Variants in UNC79 observed in about 807,000 individuals in gnomAD.
The protein encoded by UNC79 is protein unc-79 homolog.
In UNC79, 37 loss-of-function variants were observed where a neutral mutation model predicts 283.1. The observed-to-expected ratio is 0.13, with a 90% CI of 0.10 to 0.17. The LOEUF (loss-of-function observed/expected upper bound fraction) is 0.17, where lower values mean the gene tolerates loss of function less well. UNC79 is among the 10% of genes least tolerant of loss of function. The pLI, the probability that UNC79 is intolerant of heterozygous loss-of-function variation, is 1.00. For missense variants in UNC79, 2,272 were observed against 3,211.1 expected (o/e 0.71, Z 7.07); for synonymous variants, 1,107 against 1,200.2 (o/e 0.92, Z 1.61).
chr14:93,663,679 G>A (rs2071842295), intron 40 of UNC79, among the ~76,000 whole-genome samples: 1 of 151,980 alleles, frequency 6.6e-6, no homozygotes, highest in African/African-American at 2.4e-5. Flanking sequence ...TTATTACCCT[G>A]CCTGGAGCAA....
chr14:93,498,792 A>G (rs2059148992), intron 7 of UNC79, among the ~76,000 whole-genome samples: 1 of 152,166 alleles, frequency 6.6e-6, no homozygotes. Context: ...ATATTATTAA[A>G]TCAAAGAAGA....
intron 12 of UNC79, among the ~76,000 whole-genome samples, chr14:93,538,847 C>T (rs1210130479): frequency 6.8e-6 from 1 of 146,612 alleles, no homozygotes; most frequent in Non-Finnish European, 1.5e-5. Flanking sequence ...TTCTACCCTT[C>T]CTCTCTTTTT....
intron 19 of UNC79, 104 bp from the exon 20 acceptor site, chr14:93,582,099 C>T: frequency 6.4e-7 from 1 of 1,573,838 alleles, no homozygotes; most frequent in Non-Finnish European, 8.7e-7. Context: ...CAGCATGGGA[C>T]CCGAGACACA....
At chr14:93,532,177 C>T (rs1052478020) in intron 10 of UNC79, among the ~76,000 whole-genome samples, 2 of 151,860 alleles carry the variant, frequency 1.3e-5, no homozygotes, top group African/African-American at 2.4e-5. Flanking sequence ...TTTAAATGGG[C>T]TCTAGACCTG....
intron 30 of UNC79, among the ~76,000 whole-genome samples, chr14:93,623,806 T>C (rs2067328627): frequency 6.6e-6 from 1 of 152,082 alleles, no homozygotes; most frequent in African/African-American, 2.4e-5. Flanking sequence ...GGCAGGAGAA[T>C]TGCTTGAACC....
At chr14:93,356,171 G>T (rs2054082720) in intron 1 of UNC79, among the ~76,000 whole-genome samples, 1 of 152,044 alleles carries the variant, frequency 6.6e-6, no homozygotes, top group Admixed American at 6.6e-5. Flanking sequence ...GGGATTACAG[G>T]CACCTGCCAC....
chr14:93,537,098 C>A lies in UNC79; in HGVS notation c.1123-891C>A, dbSNP rs534323218. 3.9e-4 allele frequency among the ~76,000 whole-genome samples: 60 copies of A among 152,284 alleles called. No homozygotes were observed. The Middle Eastern group carries it at 0.01, about 26-fold the overall frequency. On this transcript the variant is annotated intron_variant, in intron 11 of 48. Coordinates refer to ENST00000555664, the Ensembl canonical transcript of UNC79. Reference sequence around the variant, plus strand: ...GTTCATAAAGCCTTAGAGTCTAACGCCCCCTTGGGGGTGTTCACATCTTCA... The same window carrying A: ...GTTCATAAAGCCTTAGAGTCTAACGACCCCTTGGGGGTGTTCACATCTTCA...
At chr14:93,494,531 G>A (rs1322580980) in intron 5 of UNC79, among the ~76,000 whole-genome samples, 1 of 152,188 alleles carries the variant, frequency 6.6e-6, no homozygotes, top group Non-Finnish European at 1.5e-5. Flanking sequence ...TGTATTATGG[G>A]TCTGGAGCTC....
At chr14:93,618,565 G>T (rs889208891) in intron 29 of UNC79, among the ~76,000 whole-genome samples, 1 of 152,170 alleles carries the variant, frequency 6.6e-6, no homozygotes, top group African/African-American at 2.4e-5. Flanking sequence ...TCCAAAGCCT[G>T]TATCATAAGA....
chr14:93,691,426 A>G, intron 45 of UNC79: 1 of 441,544 alleles, frequency 2.3e-6, no homozygotes, highest in Non-Finnish European at 4.1e-6. Context: ...ACATGGCAGA[A>G]TGATTATTCT....
intron 1 of UNC79, among the ~76,000 whole-genome samples, chr14:93,360,217 TATG>T (rs2139939123): frequency 6.6e-6 from 1 of 152,264 alleles, no homozygotes; most frequent in African/African-American, 2.4e-5. Context: ...TGAGGGCTAT[TATG>T]GTGGTAAGGG....
At chr14:93,634,524 A>G (rs1173345178) in intron 31 of UNC79, 38 of 1,611,488 alleles carry the variant, frequency 2.4e-5, no homozygotes, top group Non-Finnish European at 3.2e-5. Flanking sequence ...CATCTAGCTC[A>G]GTATAGGCAG....
At chr14:93,605,915 G>A (rs1177797460) in intron 26 of UNC79, among the ~76,000 whole-genome samples, 1 of 152,128 alleles carries the variant, frequency 6.6e-6, no homozygotes, top group Non-Finnish European at 1.5e-5. Context: ...CAAACATTTG[G>A]TAGAGCCCCT....
intron 1 of UNC79, among the ~76,000 whole-genome samples, chr14:93,453,580 A>G (rs2056712032): frequency 6.6e-6 from 1 of 152,224 alleles, no homozygotes; most frequent in South Asian, 2.1e-4. Flanking sequence ...TAAGCACAGT[A>G]TTCAGATATC....
At chr14:93,362,503 C>T (rs1323226911) in intron 1 of UNC79, among the ~76,000 whole-genome samples, 1 of 152,100 alleles carries the variant, frequency 6.6e-6, no homozygotes, top group Non-Finnish European at 1.5e-5. Context: ...TGTGTGCCAC[C>T]ATGCCCGGCT....
intron 4 of UNC79, among the ~76,000 whole-genome samples, chr14:93,479,369 C>T (rs1480511879): frequency 6.6e-6 from 1 of 152,056 alleles, no homozygotes; most frequent in Non-Finnish European, 1.5e-5. Context: ...GCAGTTTTGG[C>T]TCACTATAAC....
intron 47 of UNC79, 132 bp downstream of exon 50, chr14:93,694,544 T>C (rs1489880716): frequency 3.7e-6 from 3 of 819,390 alleles, no homozygotes; most frequent in Non-Finnish European, 5.8e-6. Flanking sequence ...CAGGCTCCTA[T>C]AACAACCCTT....
At chr14:93,682,088 C>G (rs1353906929) in intron 41 of UNC79, among the ~76,000 whole-genome samples, 1 of 152,210 alleles carries the variant, frequency 6.6e-6, no homozygotes, top group East Asian at 1.9e-4. Context: ...GTCCTCTGGG[C>G]CCCCAGAGAA....
At chr14:93,702,530 CAG>C (rs1406492928) in intron 47 of UNC79, among the ~76,000 whole-genome samples, 1 of 152,166 alleles carries the variant, frequency 6.6e-6, no homozygotes, top group East Asian at 1.9e-4. Flanking sequence ...GGAACAAAAA[CAG>C]GGAGAGAAAT....
Sources: allele counts gnomAD v4.1 joint callset (sites outside exome capture counted in the v4.1 genomes callset), GRCh38; gene constraint gnomAD v4.1.1; transcripts MANE v1.5; gene names NCBI Gene and HGNC (gene_info 2026-07-23, HGNC 2026-07-21).